PECR: variants seen among roughly 807,000 people sequenced by gnomAD.
PECR encodes peroxisomal trans-2-enoyl-CoA reductase, also known as 2,4-dienoyl-CoA reductase-related protein.
A neutral mutation model predicts 35.3 loss-of-function variants in PECR; 30 were observed. That is an observed-to-expected ratio of 0.85 (90% confidence interval 0.64 to 1.15). PECR has a LOEUF of 1.15. Among genes scored for constraint, PECR ranks in the 50% most tolerant of loss-of-function variants. The pLI, the probability that PECR is intolerant of heterozygous loss-of-function variation, is 0.00. For missense variants in PECR, 392 were observed against 370.8 expected, an observed-to-expected ratio of 1.06 and a Z score of -0.47; for synonymous variants, 148 against 138.9, an observed-to-expected ratio of 1.07 and a Z score of -0.46.
intron 1 of PECR, among the ~76,000 whole-genome samples, chr2:216,072,423 C>T (rs1389499766): frequency 6.6e-6 from 1 of 152,116 alleles, no homozygotes; most frequent in East Asian, 1.9e-4. Flanking sequence ...GTAGGGGGGA[C>T]AAGTGTAGTT....
At chr2:216,054,057 G>A (rs1276992736) in intron 4 of PECR, among the ~76,000 whole-genome samples, 1 of 152,052 alleles carries the variant, frequency 6.6e-6, no homozygotes, top group Non-Finnish European at 1.5e-5. Flanking sequence ...GGTTGAGGCA[G>A]GTGGATCACA....
At chr2:216,052,946 T>C (rs1251886323) in intron 4 of PECR, among the ~76,000 whole-genome samples, 2 of 151,842 alleles carry the variant, frequency 1.3e-5, no homozygotes, top group South Asian at 2.1e-4. Flanking sequence ...CTCTGCTTCC[T>C]GGGTTCAAGT....
downstream of PECR, among the ~76,000 whole-genome samples, chr2:216,037,824 C>G (rs931614681): frequency 6.6e-6 from 1 of 152,086 alleles, no homozygotes; most frequent in Admixed American, 6.6e-5. Context: ...GTGGCTCTCA[C>G]CTGTAATCCC....
intron 4 of PECR, among the ~76,000 whole-genome samples, chr2:216,053,688 T>C (rs1695165514): frequency 6.6e-6 from 1 of 152,184 alleles, no homozygotes; most frequent in Admixed American, 6.5e-5. Context: ...TGGAGCATTC[T>C]GGATTTTGAG....
At chr2:216,046,310 A>ATATTTTT (rs1553560626) in intron 6 of PECR, among the ~76,000 whole-genome samples, 23 of 96,958 alleles carry the variant, frequency 2.4e-4, no homozygotes, top group Middle Eastern at 6.0e-3. Flanking sequence ...ATATATATAT[A>ATATTTTT]TTTTTTTTTT....
intron 1 of PECR, among the ~76,000 whole-genome samples, chr2:216,072,042 T>C (rs1259949342): frequency 1.3e-5 from 2 of 152,236 alleles, no homozygotes; most frequent in Non-Finnish European, 2.9e-5. Context: ...TTTACATATA[T>C]ATTTTAAAGA....
chr2:216,065,301 A>G lies in PECR; in HGVS notation c.424+11T>C, dbSNP rs776813660. Reference sequence around the variant, plus strand: ...AAGACATGTTGACTTGTGGATACTGATGGTACTTGCCTGCTTTGCACATGT... The same window carrying G: ...AAGACATGTTGACTTGTGGATACTGGTGGTACTTGCCTGCTTTGCACATGT... On this transcript the variant is annotated intron_variant, in intron 3 of 7. Coordinates refer to ENST00000265322, the MANE Select transcript of PECR (RefSeq NM_018441.6). 2 of 1,588,766 alleles carry G rather than the reference A, an allele frequency of 1.3e-6. No individual in the cohort carries two copies. Among genetic ancestry groups the G allele is most frequent in the East Asian group, 2.2e-5 (1 of 44,760 alleles).
rs769623278 is a variant in PECR, at chr2:216,051,512, G to A, written c.540C>T (p.Asn180=). The part of the protein sequence containing the change: ...HSGAARAGVY[N]LTKSLALEWA... Reference sequence around the variant, plus strand: ...ATTCCAAAGCTAAAGATTTGGTGAGGTTGTAAACACCTGCTCTTGCAGCTC... The same window carrying A: ...ATTCCAAAGCTAAAGATTTGGTGAGATTGTAAACACCTGCTCTTGCAGCTC... Residue 180 remains asparagine (N), a synonymous_variant, in exon 5 of 8, where the codon AAC becomes AAT. Transcript: ENST00000265322. The A allele has an allele frequency of 6.8e-6, 11 of 1,612,356 alleles. No individual in the cohort carries two copies. The South Asian group carries it at 1.2e-4, about 18-fold the overall frequency.
intron 4 of PECR, among the ~76,000 whole-genome samples, chr2:216,058,516 C>T (rs1695274494): frequency 1.3e-5 from 2 of 152,246 alleles, no homozygotes; most frequent in African/African-American, 4.8e-5. Flanking sequence ...TAATGGTATT[C>T]AAATCTAAAT....
chr2:216,032,286 T>C (rs1694722135), intron 7 of PECR, among the ~76,000 whole-genome samples: 1 of 152,248 alleles, frequency 6.6e-6, no homozygotes, highest in Non-Finnish European at 1.5e-5. Flanking sequence ...TGGTCCAAAA[T>C]ATGCAAGAGA....
At chr2:216,064,316 T>A (rs1342012325) in intron 3 of PECR, among the ~76,000 whole-genome samples, 1 of 152,196 alleles carries the variant, frequency 6.6e-6, no homozygotes, top group Non-Finnish European at 1.5e-5. Context: ...GGTATGATCA[T>A]TTAACTGAAT....
chr2:216,078,309 G>A (rs7587968), intron 1 of PECR, among the ~76,000 whole-genome samples: 93,858 of 151,834 alleles, frequency 0.62, 29,408 homozygotes, highest in African/African-American at 0.7. Flanking sequence ...AATAGCCATT[G>A]ATTCTGGCAT....
intron 1 of PECR, among the ~76,000 whole-genome samples, chr2:216,077,784 G>C (rs1459935415): frequency 1.4e-5 from 2 of 146,140 alleles, no homozygotes; most frequent in African/African-American, 5.1e-5. Flanking sequence ...TCCAGCCTGG[G>C]CTACAGAGCA....
chr2:216,037,953 T>G (rs1694822629), downstream of PECR, among the ~76,000 whole-genome samples: 1 of 151,918 alleles, frequency 6.6e-6, no homozygotes, highest in Non-Finnish European at 1.5e-5. Flanking sequence ...GGCGTGGTGG[T>G]GCACACCTGT....
intron 2 of PECR, 92 bp from the exon 3 acceptor site, chr2:216,065,569 ATC>A: frequency 1.3e-6 from 1 of 787,682 alleles, no homozygotes; most frequent in Admixed American, 1.9e-5. Context: ...AGAGTTTGCA[ATC>A]TCTCACAGTG....
chr2:216,033,673 G>T (rs1173346766), downstream of PECR: 2 of 152,366 alleles, frequency 1.3e-5, no homozygotes, highest in Admixed American at 1.3e-4. Flanking sequence ...AGAACAGGTG[G>T]TGGGCCTACC....
At chr2:216,055,784 GT>G (rs1695215355) in intron 4 of PECR, among the ~76,000 whole-genome samples, 1 of 152,124 alleles carries the variant, frequency 6.6e-6, no homozygotes, top group Non-Finnish European at 1.5e-5. Context: ...CTCCCTGGTA[GT>G]TAAGGCCTTT....
At chr2:216,073,787 G>A (rs1695632304) in intron 1 of PECR, among the ~76,000 whole-genome samples, 1 of 152,112 alleles carries the variant, frequency 6.6e-6, no homozygotes, top group Non-Finnish European at 1.5e-5. Flanking sequence ...GAGCCTAGAA[G>A]CAATAGGCTA....
At chr2:216,037,980 G>A (rs1234792264), downstream of PECR, among the ~76,000 whole-genome samples, 1 of 151,032 alleles carries the variant, frequency 6.6e-6, no homozygotes, top group Non-Finnish European at 1.5e-5. Flanking sequence ...AGCTACGCAG[G>A]AGGCTGAAGC....
Sources: gnomAD v4.1 joint callset for allele counts (sites outside exome capture counted in the v4.1 genomes callset) on GRCh38, gnomAD v4.1.1 for gene constraint, MANE v1.5 for transcripts, NCBI Gene and HGNC (gene_info 2026-07-23, HGNC 2026-07-21) for gene names.